The following VPS8 variants were observed in gnomAD, a reference collection of about 807,000 sequenced individuals.
The protein encoded by VPS8 is VPS8 subunit of CORVET complex, also known as vacuolar protein sorting-associated protein 8 homolog.
In VPS8, 129 loss-of-function variants were observed where a neutral mutation model predicts 216.4. The observed-to-expected ratio is 0.60, with a 90% confidence interval of 0.52 to 0.69. The LOEUF (loss-of-function observed/expected upper bound fraction) is 0.69, where lower values mean the gene tolerates loss of function less well. VPS8 is among the 30% of genes least tolerant of loss of function. The pLI is 0.00. For missense variants in VPS8, 1,531 were observed against 1,683.5 expected, an observed-to-expected ratio of 0.91 and a Z score of 1.59; for synonymous variants, 571 against 565.4, an observed-to-expected ratio of 1.01 and a Z score of -0.14.
At chr3:185,044,018 C>T (rs1490612057) in intron 46 of VPS8, among the ~76,000 whole-genome samples, 7 of 152,198 alleles carry the variant, frequency 4.6e-5, no homozygotes, top group East Asian at 1.9e-4. Flanking sequence ...GATGAAACCC[C>T]GTCTCTACTA....
At chr3:184,986,775 A>G (rs1751154743) in intron 42 of VPS8, among the ~76,000 whole-genome samples, 1 of 152,224 alleles carries the variant, frequency 6.6e-6, no homozygotes, top group Admixed American at 6.5e-5. Context: ...ATTATTAAGT[A>G]CTAGAGCAGT....
intron 21 of VPS8, among the ~76,000 whole-genome samples, chr3:184,884,503 C>T (rs1272439396): frequency 6.6e-6 from 1 of 152,100 alleles, no homozygotes; most frequent in East Asian, 1.9e-4. Context: ...AATTCAAATC[C>T]CAGCTCTACC....
At chr3:184,971,404 A>G (rs955279494) in intron 39 of VPS8, among the ~76,000 whole-genome samples, 1 of 152,254 alleles carries the variant, frequency 6.6e-6, no homozygotes, top group Non-Finnish European at 1.5e-5. Flanking sequence ...TTTCCATAGC[A>G]TATTGAAATG....
rs542053446 is a variant in VPS8, at chr3:184,966,225, A to G, written c.3274-446A>G. The stretch of plus-strand genomic sequence containing the variant: ...TCTTTTAAACATCCAGCTCTCATGT[A>G]AACTGATAGAGGGAGACGTCACTCA... On this transcript the variant is annotated intron_variant, in intron 38 of 47. Coordinates refer to ENST00000625842, the MANE Select transcript of VPS8 (RefSeq NM_001009921.3). Among the ~76,000 whole-genome samples the G allele has an allele frequency of 3.3e-5, 5 of 152,148 alleles. No individual in the cohort carries two copies. The South Asian group carries it at 8.3e-4, about 25-fold the overall frequency.
chr3:184,938,850 A>G (rs1203595745), intron 35 of VPS8, among the ~76,000 whole-genome samples: 1 of 151,690 alleles, frequency 6.6e-6, no homozygotes, highest in Non-Finnish European at 1.5e-5. Context: ...CAACATGGTG[A>G]AACCCCATCT....
intron 27 of VPS8, 106 bp downstream of exon 27, chr3:184,915,159 G>T (rs1029198192): frequency 7.2e-7 from 1 of 1,391,530 alleles, no homozygotes; most frequent in African/African-American, 1.4e-5. Flanking sequence ...GCTATCACCT[G>T]TTGCAGGAGA....
intron 42 of VPS8, among the ~76,000 whole-genome samples, chr3:184,989,458 G>C (rs897311452): frequency 6.6e-6 from 1 of 151,748 alleles, no homozygotes; most frequent in Admixed American, 6.6e-5. Flanking sequence ...GTGGAGAATG[G>C]GGTCTCACCG....
At chr3:184,998,788 T>C (rs1331465904) in intron 44 of VPS8, among the ~76,000 whole-genome samples, 1 of 152,126 alleles carries the variant, frequency 6.6e-6, no homozygotes, top group Non-Finnish European at 1.5e-5. Flanking sequence ...TTTTTGTAAA[T>C]GTTTAATCAA....
At chr3:184,887,281 A>G (rs989795638) in intron 22 of VPS8, among the ~76,000 whole-genome samples, 1 of 152,210 alleles carries the variant, frequency 6.6e-6, no homozygotes, top group South Asian at 2.1e-4. Flanking sequence ...CAGGAAGTCA[A>G]GGCTGCAGCA....
intron 40 of VPS8, among the ~76,000 whole-genome samples, chr3:184,973,651 T>G (rs1748796542): frequency 6.6e-6 from 1 of 152,180 alleles, no homozygotes; most frequent in African/African-American, 2.4e-5. Context: ...CTTATTAAAA[T>G]TCTATCTAAT....
intron 25 of VPS8, among the ~76,000 whole-genome samples, chr3:184,902,865 G>A (rs1346303330): frequency 6.6e-6 from 1 of 151,056 alleles, no homozygotes; most frequent in African/African-American, 2.4e-5. Flanking sequence ...GTTCAATTCA[G>A]TGTCATAAAT....
Position 184,920,793 on chromosome 3 carries a change from T to G in VPS8, c.2454+595T>G, listed in dbSNP as rs950844863. On this transcript the variant is annotated intron_variant, in intron 29 of 47. Coordinates refer to ENST00000625842, the MANE Select transcript of VPS8 (RefSeq NM_001009921.3). ...CTCTTGTAGTTGAAAGCTTAGAGTTTTTATTTTTGTTCATTTGGCTGTAAA... is the reference window on the plus strand; with the variant it reads ...CTCTTGTAGTTGAAAGCTTAGAGTTGTTATTTTTGTTCATTTGGCTGTAAA... Among the ~76,000 whole-genome samples, 5 of 152,226 alleles carry G rather than the reference T, an allele frequency of 3.3e-5. No homozygotes were observed. In the South Asian group the frequency reaches 6.2e-4, roughly 19 times the overall value.
intron 45 of VPS8, among the ~76,000 whole-genome samples, chr3:185,004,906 T>TTTTATTTATTTA (rs139983815): frequency 1.3e-5 from 2 of 150,926 alleles, no homozygotes; most frequent in Admixed American, 6.6e-5. Flanking sequence ...TTGTTTTGTT[T>TTTTATTTATTTA]TTTATTTATT....
intron 47 of VPS8, among the ~76,000 whole-genome samples, chr3:185,049,632 T>G (rs1170844751): frequency 6.6e-6 from 1 of 152,048 alleles, no homozygotes; most frequent in Non-Finnish European, 1.5e-5. Flanking sequence ...TTATAACACA[T>G]TCTGGATCTC....
intron 21 of VPS8, among the ~76,000 whole-genome samples, chr3:184,878,451 C>T (rs1298628186): frequency 6.6e-6 from 1 of 152,184 alleles, no homozygotes; most frequent in Non-Finnish European, 1.5e-5. Context: ...TTACTAAGCT[C>T]TCCTTCCAGC....
chr3:185,043,072 G>A (rs1305943895), intron 46 of VPS8, among the ~76,000 whole-genome samples: 1 of 152,044 alleles, frequency 6.6e-6, no homozygotes, highest in Non-Finnish European at 1.5e-5. Context: ...TAGGCACTCG[G>A]GCAGATGTAG....
intron 22 of VPS8, among the ~76,000 whole-genome samples, chr3:184,889,105 T>G (rs1731850158): frequency 6.6e-6 from 1 of 152,226 alleles, no homozygotes; most frequent in Non-Finnish European, 1.5e-5. Context: ...AACATTTATT[T>G]CACCTATTGA....
At chr3:184,819,234 A>G (rs1165277763) in intron 1 of VPS8, among the ~76,000 whole-genome samples, 1 of 151,732 alleles carries the variant, frequency 6.6e-6, no homozygotes, top group African/African-American at 2.4e-5. Flanking sequence ...CTCATTTATC[A>G]GCACTCAGAA....
chr3:184,955,304 A>C (rs558463917), intron 36 of VPS8, among the ~76,000 whole-genome samples: 12 of 152,304 alleles, frequency 7.9e-5, no homozygotes, highest in African/African-American at 2.9e-4. Context: ...TTCGTAGTAG[A>C]TAGCAGTAGA....
Sources: allele counts gnomAD v4.1 joint callset (sites outside exome capture counted in the v4.1 genomes callset), GRCh38; gene constraint gnomAD v4.1.1; transcripts MANE v1.5; gene names NCBI Gene and HGNC (gene_info 2026-07-23, HGNC 2026-07-21).